The following GRAMD1B variants were observed in gnomAD, a reference collection of about 807,000 sequenced individuals.
The protein encoded by GRAMD1B is protein Aster-B.
Under a neutral mutation model 99.7 loss-of-function variants are expected in GRAMD1B, and 37 were observed. The ratio of observed to expected loss-of-function variants is 0.37; its 90% CI spans 0.29 to 0.49. The LOEUF is 0.49. Ranked by LOEUF, GRAMD1B falls within the 20% of genes least tolerant of loss-of-function variation. GRAMD1B has a pLI of 0.98. For missense variants in GRAMD1B, 888 were observed against 1,009.2 expected (o/e 0.88, Z 1.63); for synonymous variants, 427 against 387.6 (o/e 1.10, Z -1.19).
At chr11:123,485,034 G>T (rs1345970123) in intron 2 of GRAMD1B, among the ~76,000 whole-genome samples, 1 of 152,168 alleles carries the variant, frequency 6.6e-6, no homozygotes, top group Non-Finnish European at 1.5e-5. Context: ...TCCTGCACTG[G>T]TGAGGCCTCC....
intron 1 of GRAMD1B, among the ~76,000 whole-genome samples, chr11:123,472,618 C>T (rs1216221916): frequency 6.6e-6 from 1 of 152,336 alleles, no homozygotes; most frequent in East Asian, 1.9e-4. Flanking sequence ...ATGGGAATTA[C>T]GCCAGGTGCT....
intron 2 of GRAMD1B, among the ~76,000 whole-genome samples, chr11:123,513,504 C>CTCTT (rs1555049963): frequency 0.027 from 3,937 of 148,440 alleles, 165 homozygotes; most frequent in African/African-American, 0.087. Context: ...TTCTCCCTCT[C>CTCTT]TCTTTCTTTC....
intron 1 of GRAMD1B, among the ~76,000 whole-genome samples, chr11:123,407,739 C>T (rs1947904032): frequency 6.6e-6 from 1 of 152,226 alleles, no homozygotes; most frequent in African/African-American, 2.4e-5. Context: ...TCTCTGTCAT[C>T]TCCCCAAATT....
intron 7 of GRAMD1B, chr11:123,599,451 A>G (rs1951680021): frequency 1.6e-6 from 1 of 639,656 alleles, no homozygotes. Context: ...TATTGTCTCC[A>G]TCTTCCCTTC....
intron 5 of GRAMD1B, among the ~76,000 whole-genome samples, chr11:123,594,398 G>A (rs1171830166): frequency 2.0e-5 from 3 of 152,232 alleles, no homozygotes; most frequent in Non-Finnish European, 4.4e-5. Context: ...TATCTCTGCA[G>A]TTGGCCCAGT....
At chr11:123,522,320 C>T (rs1204373374) in intron 2 of GRAMD1B, among the ~76,000 whole-genome samples, 1 of 152,030 alleles carries the variant, frequency 6.6e-6, no homozygotes, top group Non-Finnish European at 1.5e-5. Flanking sequence ...TTGAGATTTT[C>T]TTTTTCTTTT....
chr11:123,522,342 A>T (rs146292557), intron 2 of GRAMD1B, among the ~76,000 whole-genome samples: 1 of 151,918 alleles, frequency 6.6e-6, no homozygotes, highest in Admixed American at 6.6e-5. Context: ...TCTCTTTTGG[A>T]TGGTCTTGCT....
chr11:123,535,388 A>G (rs1943862002), intron 2 of GRAMD1B, among the ~76,000 whole-genome samples: 1 of 152,188 alleles, frequency 6.6e-6, no homozygotes, highest in Admixed American at 6.5e-5. Flanking sequence ...CAGAACTGGG[A>G]TAAAACTGAA....
intron 2 of GRAMD1B, among the ~76,000 whole-genome samples, chr11:123,542,097 G>C (rs1944594971): frequency 6.6e-6 from 1 of 152,176 alleles, no homozygotes; most frequent in Non-Finnish European, 1.5e-5. Flanking sequence ...TGCCAGCTAT[G>C]TATTTCCTAG....
chr11:123,608,582 T>C, intron 11 of GRAMD1B, 77 bp from the exon 12 acceptor site: 1 of 1,551,970 alleles, frequency 6.4e-7, no homozygotes, highest in Non-Finnish European at 8.7e-7. Context: ...GAGACCTAAG[T>C]GCTCTTGGAG....
At chr11:123,405,389 G>A (rs1340894753) in intron 1 of GRAMD1B, among the ~76,000 whole-genome samples, 1 of 152,178 alleles carries the variant, frequency 6.6e-6, no homozygotes, top group Non-Finnish European at 1.5e-5. Flanking sequence ...GGCTCCCAGG[G>A]TAAGGGGAGA....
At chr11:123,586,911 G>A (rs746035034) in intron 4 of GRAMD1B, among the ~76,000 whole-genome samples, 6 of 152,202 alleles carry the variant, frequency 3.9e-5, no homozygotes, top group African/African-American at 9.7e-5. Context: ...TACACTAGAC[G>A]TCCTTCAGAT....
At chr11:123,365,725 A>G (rs535457008) in intron 1 of GRAMD1B, among the ~76,000 whole-genome samples, 10 of 152,312 alleles carry the variant, frequency 6.6e-5, no homozygotes, top group Non-Finnish European at 1.3e-4. Context: ...AGAACAGAGA[A>G]ATAGCCTATA....
At chr11:123,491,602 T>G in intron 2 of GRAMD1B, 5 of 315,222 alleles carry the variant, frequency 1.6e-5, no homozygotes, top group South Asian at 1.6e-4. Flanking sequence ...GAGGGCTTCA[T>G]TTGGAGCTGT....
chr11:123,383,380 T>G (rs955745393), intron 1 of GRAMD1B, among the ~76,000 whole-genome samples: 2 of 152,240 alleles, frequency 1.3e-5, no homozygotes, highest in African/African-American at 4.8e-5. Flanking sequence ...TTACTGAATG[T>G]GAGCCTTGGG....
intron 2 of GRAMD1B, among the ~76,000 whole-genome samples, chr11:123,511,959 T>C (rs1941068367): frequency 6.6e-6 from 1 of 152,226 alleles, no homozygotes. Flanking sequence ...CATCTGTTGT[T>C]TTAATCAGTT....
chr11:123,483,391 C>CTTTTTTTTTTTT (rs67407274), intron 2 of GRAMD1B, among the ~76,000 whole-genome samples: 1 of 134,188 alleles, frequency 7.5e-6, no homozygotes, highest in African/African-American at 2.7e-5. Context: ...TTTTCTTTTT[C>CTTTTTTTTTTTT]TTTTTTTTTT....
At position 123,492,975 on chromosome 11, in the gene GRAMD1B, C is replaced by G. The variant is rs1938765687; in HGVS notation, c.452+12082C>G. Among the ~76,000 whole-genome samples, 1 of 152,014 alleles carries G rather than the reference C, an allele frequency of 6.6e-6. No homozygotes were observed. The highest frequency in any genetic ancestry group is 2.4e-5 in the African/African-American group (1 of 41,388). ...TGGCTAAAGTTTTGGGGCTGGTGAG[C>G]AAAGACTGTGTCCCTCTCTGATTAG... On this transcript the variant is annotated intron_variant, in intron 2 of 19. Coordinates refer to ENST00000635736, the MANE Select transcript of GRAMD1B (RefSeq NM_001387025.1). The surrounding 1 kb of genome is among the most constrained non-coding windows in gnomAD (Gnocchi z 4.2).
At chr11:123,522,480 G>A (rs535704878) in intron 2 of GRAMD1B, among the ~76,000 whole-genome samples, 3 of 152,124 alleles carry the variant, frequency 2.0e-5, no homozygotes, top group Non-Finnish European at 4.4e-5. Context: ...TACCACGCGT[G>A]GCTAATTTTT....
Sources: gnomAD v4.1 joint callset for allele counts (sites outside exome capture counted in the v4.1 genomes callset) on GRCh38, gnomAD v4.1.1 for gene constraint, Gnocchi (gnomAD v3.1) non-coding constraint, MANE v1.5 for transcripts, NCBI Gene and HGNC (gene_info 2026-07-23, HGNC 2026-07-21) for gene names.